CPNE9: variants seen among roughly 807,000 people sequenced by gnomAD.
CPNE9 encodes the protein copine family member 9.
CPNE9 carries 59 observed loss-of-function variants against 83.0 expected under a neutral mutation model. The observed-to-expected ratio is 0.71, with a 90% confidence interval of 0.58 to 0.88. The LOEUF (loss-of-function observed/expected upper bound fraction) is 0.88, where lower values mean the gene tolerates loss of function less well. CPNE9 is among the 40% of genes least tolerant of loss of function. The pLI is 0.00. For synonymous variants in CPNE9, 256 were observed against 273.4 expected, an observed-to-expected ratio of 0.94 and a Z score of 0.63; for missense variants, 619 against 720.8, an observed-to-expected ratio of 0.86 and a Z score of 1.62.
intron 17 of CPNE9, among the ~76,000 whole-genome samples, chr3:9,721,889 T>C (rs2076737007): frequency 6.6e-6 from 1 of 151,994 alleles, no homozygotes; most frequent in Non-Finnish European, 1.5e-5. Context: ...TTCAGGTTCC[T>C]CATTTTAAAC....
chr3:9,713,660 A>C (rs1057405080), intron 10 of CPNE9, among the ~76,000 whole-genome samples: 14 of 152,278 alleles, frequency 9.2e-5, no homozygotes, highest in African/African-American at 3.4e-4. Context: ...TGATGGTTGG[A>C]TAGATGAATA....
intron 7 of CPNE9, among the ~76,000 whole-genome samples, chr3:9,707,980 C>T (rs903277694): frequency 1.3e-5 from 2 of 152,032 alleles, no homozygotes; most frequent in Admixed American, 6.6e-5. Flanking sequence ...ACTCTGTAGC[C>T]CAGGCTGGAG....
rs1437589728 is a variant in CPNE9 at position 9,727,161 on chromosome 3, G to A, written c.1451G>A (p.Arg484His). Residue 484 changes from arginine (R) to histidine (H), a missense_variant, in exon 20 of 21, where the codon CGC (arginine) becomes CAC (histidine). By Grantham distance (29) the Arg-to-His change is conservative. Transcript: ENST00000383832. Reference protein sequence around the residue: ...GDDVRVSSRGRYAERDIVQFV... With the variant: ...GDDVRVSSRGHYAERDIVQFV... ...GATGTGCGCGTGTCCTCTAGGGGAC[G>A]CTACGCAGAGCGGGACATCGTTCAG... 4 of 1,614,094 alleles carry A rather than the reference G, an allele frequency of 2.5e-6. No individual in the cohort carries two copies. The African/African-American group carries it at 4.0e-5, about 16-fold the overall frequency.
intron 4 of CPNE9, 189 bp downstream of exon 4, chr3:9,705,183 T>C (rs913174000): frequency 3.7e-5 from 24 of 649,728 alleles, no homozygotes; most frequent in Admixed American, 6.8e-5. Context: ...TCCCCCGCTC[T>C]GGCCCCGCCC....
chr3:9,709,301 A>G (rs1429078201), intron 7 of CPNE9, among the ~76,000 whole-genome samples: 1 of 150,436 alleles, frequency 6.6e-6, no homozygotes, highest in East Asian at 2.0e-4. Context: ...AAGAAAAAAG[A>G]AAGAAAAGAA....
chr3:9,727,415 T>G (rs779717967), intron 20 of CPNE9: 2 of 718,240 alleles, frequency 2.8e-6, no homozygotes, highest in Non-Finnish European at 5.2e-6. Flanking sequence ...TGCCCTCTAG[T>G]GGAGACAACC....
At position 9,704,177 on chromosome 3, in the gene CPNE9, G is replaced by A; in HGVS notation, c.68+113G>A. The A allele has an allele frequency of 1.0e-6, 1 of 1,000,716 alleles. No homozygotes were observed. Among genetic ancestry groups the A allele is most frequent in the Non-Finnish European group, 1.5e-6 (1 of 679,178 alleles). 62.0% of individuals were successfully genotyped at this position (1,000,716 alleles called of 1,614,324 possible). ...CCCCCGGGGAGAGGCGAAATTGGCT[G>A]GAAAATCACAGCTGATGACAGGGCG... On this transcript the variant is annotated intron_variant, in intron 1 of 20. Transcript: ENST00000383832. This position sits in a 1 kb window ranked among gnomAD's most constrained non-coding sequence, Gnocchi z 7.1.
chr3:9,705,635 C>T (rs1288052706), intron 5 of CPNE9, 83 bp from the exon 6 acceptor site: 1 of 1,585,696 alleles, frequency 6.3e-7, no homozygotes, highest in Non-Finnish European at 8.7e-7. Context: ...CTCCTGGTCC[C>T]TCTCCTCCTG....
In CPNE9 at chr3:9,708,899, A is replaced by G. The variant is rs533363576; in HGVS notation, c.377+2836A>G. Among the ~76,000 whole-genome samples the G allele has an allele frequency of 1.1e-3, 167 of 151,394 alleles. 2 individuals are homozygous for G. Among genetic ancestry groups the G allele is most frequent in the African/African-American group, 1.8e-3 (76 of 41,336 alleles). Reference sequence around the variant, plus strand: ...TCCGCCCGCCTCGGCCTCCCAAAGTACTGGGATTACAGGCGTGAGCCACCG... The same window carrying G: ...TCCGCCCGCCTCGGCCTCCCAAAGTGCTGGGATTACAGGCGTGAGCCACCG... On this transcript the variant is annotated intron_variant, in intron 7 of 20. Transcript: ENST00000383832.
Position 9,715,531 on chromosome 3 carries a change from G to A in CPNE9, c.822+5G>A. The A allele has an allele frequency of 6.2e-7, 1 of 1,613,038 alleles. No homozygotes were observed. Among genetic ancestry groups the A allele is most frequent in the Non-Finnish European group, 8.5e-7 (1 of 1,179,026 alleles). ...AAATATGTCAACTCAGGAACTGTGA[G>A]TGCTCCCTAGAGCCGTGGCCCTCCC... On this transcript the variant is annotated splice_donor_5th_base_variant and intron_variant, in intron 13 of 20. Coordinates refer to ENST00000383832, the MANE Select transcript of CPNE9 (RefSeq NM_153635.3).
chr3:9,709,530 A>G (rs949135036), intron 7 of CPNE9, among the ~76,000 whole-genome samples: 22 of 150,912 alleles, frequency 1.5e-4, no homozygotes, highest in East Asian at 6.3e-4. Flanking sequence ...CACCGCGCCC[A>G]GCCAATTTTT....
intron 17 of CPNE9, among the ~76,000 whole-genome samples, chr3:9,719,793 AC>A (rs2125472016): frequency 6.6e-6 from 1 of 152,120 alleles, no homozygotes; most frequent in African/African-American, 2.4e-5. Context: ...GGAGTTCAAG[AC>A]CAGCCTGGCC....
rs1178042277 is a variant in CPNE9 at position 9,718,305 on chromosome 3, T to G, written c.1113+95T>G. 3.6e-6 allele frequency: 5 copies of G among 1,406,058 alleles called. No individual in the cohort carries two copies. The African/African-American group carries it at 4.3e-5, about 12-fold the overall frequency. The allele number at this position is 1,406,058 out of a possible 1,614,324, so 87.1% of individuals were successfully genotyped here. On this transcript the variant is annotated intron_variant, in intron 16 of 20. Coordinates refer to ENST00000383832, the MANE Select transcript of CPNE9 (RefSeq NM_153635.3). ...TGTTTACATTACTTCAAAGGGCATG[T>G]AGAGGAACAGGAAGCTATGAGAGGA... is the stretch of plus-strand genomic sequence containing the variant.
At chr3:9,718,380 G>T in intron 16 of CPNE9, 95 bp from the exon 17 acceptor site, 2 of 1,512,480 alleles carry the variant, frequency 1.3e-6, no homozygotes, top group Non-Finnish European at 9.0e-7. Flanking sequence ...GAGCATGAAA[G>T]GGACTGATGG....
intron 7 of CPNE9, among the ~76,000 whole-genome samples, chr3:9,709,242 C>T (rs2076598054): frequency 6.9e-6 from 1 of 144,040 alleles, no homozygotes; most frequent in Non-Finnish European, 1.5e-5. Flanking sequence ...CGCTACTGCA[C>T]TCCAGCCTGG....
chr3:9,722,169 C>CT (rs2076740841), intron 17 of CPNE9, among the ~76,000 whole-genome samples: 1 of 151,784 alleles, frequency 6.6e-6, no homozygotes, highest in Non-Finnish European at 1.5e-5. Flanking sequence ...CACCCCCCCC[C>CT]GCCACCCGGC....
chr3:9,707,141 CAGG>C (rs939454349), intron 7 of CPNE9, among the ~76,000 whole-genome samples: 17 of 152,032 alleles, frequency 1.1e-4, no homozygotes, highest in Middle Eastern at 6.8e-3. Context: ...ATCACGAGGT[CAGG>C]AGATCGAGAC....
chr3:9,706,022 G>C lies in CPNE9; in HGVS notation c.336G>C (p.Glu112Asp). 1 of 1,613,688 alleles carries C rather than the reference G, an allele frequency of 6.2e-7. No homozygotes were observed. Among genetic ancestry groups the C allele is most frequent in the Non-Finnish European group, 8.5e-7 (1 of 1,180,004 alleles). Residue 112 changes from glutamate to aspartate, a missense_variant, in exon 7 of 21, where the codon GAG becomes GAC. Around this residue, in one of 3 missense-constraint regions of CPNE9, gnomAD observed 438 missense variants for 562.9 expected, o/e 0.78. Transcript: ENST00000383832. ...FLGQAFLALG[E>D]VIGGQGSRVE... ...GACAAGCGTTCCTGGCCCTGGGAGA[G>C]GTGATTGGAGGCCAGGGCAGCCGAG...
intron 15 of CPNE9, 26 bp from the exon 16 acceptor site, chr3:9,718,003 A>G (rs2076700108): frequency 3.2e-6 from 5 of 1,575,004 alleles, no homozygotes; most frequent in Middle Eastern, 1.7e-4. Context: ...GATGATCATG[A>G]GGCTGGGGTT....
Sources: gnomAD v4.1 joint callset for allele counts (sites outside exome capture counted in the v4.1 genomes callset) on GRCh38, gnomAD v4.1.1 for gene constraint, gnomAD v4.1.1 regional missense constraint, Gnocchi (gnomAD v3.1) non-coding constraint, MANE v1.5 for transcripts, NCBI Gene and HGNC (gene_info 2026-07-23, HGNC 2026-07-21) for gene names.